Variants in CLASP2 observed in about 807,000 individuals in gnomAD.
CLASP2 encodes the protein cytoplasmic linker associated protein 2.
CLASP2 carries 47 observed loss-of-function variants against 194.4 expected under a neutral mutation model. The ratio of observed to expected loss-of-function variants is 0.24; its 90% confidence interval spans 0.19 to 0.31. CLASP2 has a LOEUF of 0.31. CLASP2 is among the 10% of genes least tolerant of loss of function. The pLI, the probability that CLASP2 is intolerant of heterozygous loss-of-function variation, is 1.00. For synonymous variants in CLASP2, 619 were observed against 633.5 expected, an observed-to-expected ratio of 0.98 and a Z score of 0.34; for missense variants, 1,445 against 1,823.6, an observed-to-expected ratio of 0.79 and a Z score of 3.78.
At chr3:33,649,116 C>CT (rs1335366492) in intron 7 of CLASP2, among the ~76,000 whole-genome samples, 2 of 152,180 alleles carry the variant, frequency 1.3e-5, no homozygotes, top group Non-Finnish European at 2.9e-5. Flanking sequence ...ATGGCAGGGC[C>CT]TTTGCCTTGC....
chr3:33,546,940 C>T (rs2154152631), intron 30 of CLASP2, among the ~76,000 whole-genome samples: 1 of 152,268 alleles, frequency 6.6e-6, no homozygotes, highest in East Asian at 1.9e-4. Context: ...TCCAAGAATC[C>T]ACTGCCAAAT....
At chr3:33,510,819 T>A (rs916033336) in intron 36 of CLASP2, 55 bp from the exon 37 acceptor site, 7 of 1,414,082 alleles carry the variant, frequency 5.0e-6, no homozygotes, top group Non-Finnish European at 6.8e-6. Flanking sequence ...TTACACTACA[T>A]CCTGGAAGTA....
At chr3:33,629,145 C>T (rs979176451) in intron 9 of CLASP2, among the ~76,000 whole-genome samples, 66 of 151,984 alleles carry the variant, frequency 4.3e-4, no homozygotes, top group African/African-American at 1.4e-3. Flanking sequence ...TACAGAAATA[C>T]CAAGTACAGA....
intron 8 of CLASP2, among the ~76,000 whole-genome samples, chr3:33,641,086 T>G (rs916583913): frequency 1.6e-4 from 24 of 152,040 alleles, no homozygotes; most frequent in Admixed American, 9.8e-4. Context: ...AATTGCAGTT[T>G]GCTCATCAGT....
At chr3:33,554,205 C>T (rs1333795779) in intron 29 of CLASP2, among the ~76,000 whole-genome samples, 4 of 123,712 alleles carry the variant, frequency 3.2e-5, no homozygotes, top group African/African-American at 6.1e-5. Context: ...CCAGCCTGGG[C>T]AACAGGAGCG....
In CLASP2 at chr3:33,497,473, C is replaced by G. The variant is rs1264582031; in HGVS notation, c.*1158G>C. On this transcript the variant is annotated 3_prime_UTR_variant, in exon 39 of 39. Coordinates refer to ENST00000682230, the MANE Select transcript of CLASP2 (RefSeq NM_001365631.1). The stretch of plus-strand genomic sequence containing the variant: ...ATTAAAAAAATTTGCTAAAAAGTAA[C>G]AGAAAATCACCCTTTAAGTAGTTTT... 1 of 152,508 alleles carries G rather than the reference C, an allele frequency of 6.6e-6. No homozygotes were observed. Among genetic ancestry groups the G allele is most frequent in the African/African-American group, 2.4e-5 (1 of 41,428 alleles). The allele number at this position is 152,508 out of a possible 1,614,324, so 9.4% of individuals were successfully genotyped here. A position where few individuals can be genotyped will look rare whatever the true frequency, so the allele number is the denominator to read the frequency against.
chr3:33,645,622 C>A, intron 7 of CLASP2: 2 of 300,498 alleles, frequency 6.7e-6, no homozygotes, highest in African/African-American at 2.2e-5. Flanking sequence ...ATTTCAAAGG[C>A]ATTCAAAACT....
intron 34 of CLASP2, among the ~76,000 whole-genome samples, chr3:33,531,881 T>C (rs1158866225): frequency 6.6e-6 from 1 of 152,154 alleles, no homozygotes; most frequent in African/African-American, 2.4e-5. Flanking sequence ...TAACTAGTAT[T>C]GGTGAGGATA....
chr3:33,659,095 C>T, intron 7 of CLASP2: 2 of 1,499,898 alleles, frequency 1.3e-6, no homozygotes, highest in Non-Finnish European at 1.8e-6. Context: ...TGCAGACACC[C>T]GGAGCACTGT....
chr3:33,543,828 C>T lies in CLASP2; in HGVS notation c.3298-289G>A, dbSNP rs373581647. Among the ~76,000 whole-genome samples the T allele has an allele frequency of 4.8e-4, 73 of 152,126 alleles. 1 individual carries two copies. In the South Asian group the frequency reaches 0.014, roughly 28 times the overall value. Reference sequence around the variant, plus strand: ...TGTAATTTTAAATTAGCTTCCTGTTCTGAGCTAATTTCCTTCTTCTAACCA... The same window carrying T: ...TGTAATTTTAAATTAGCTTCCTGTTTTGAGCTAATTTCCTTCTTCTAACCA... On this transcript the variant is annotated intron_variant, in intron 31 of 38. Coordinates refer to ENST00000682230, the MANE Select transcript of CLASP2 (RefSeq NM_001365631.1).
intron 1 of CLASP2, among the ~76,000 whole-genome samples, chr3:33,699,275 C>G (rs2092195632): frequency 6.6e-6 from 1 of 151,874 alleles, no homozygotes; most frequent in South Asian, 2.1e-4. Flanking sequence ...CATAGGAATT[C>G]TAGAAGAGAG....
Position 33,497,346 on chromosome 3 carries a change from A to G in CLASP2, c.*1285T>C, listed in dbSNP as rs2045926612. The stretch of plus-strand genomic sequence containing the variant: ...GATTAAAAAAAAGTAAAGATGAGAA[A>G]TCATTAGTATCCTGGTTCCAAATTA... On this transcript the variant is annotated 3_prime_UTR_variant, in exon 39 of 39. Coordinates refer to ENST00000682230, the MANE Select transcript of CLASP2 (RefSeq NM_001365631.1). 1.3e-5 allele frequency: 2 copies of G among 152,664 alleles called. No homozygotes were observed. The highest frequency in any genetic ancestry group is 2.4e-5 in the African/African-American group (1 of 41,466). The allele number at this position is 152,664 out of a possible 1,614,324, so 9.5% of individuals were successfully genotyped here. A position where few individuals can be genotyped will look rare whatever the true frequency, so the allele number is the denominator to read the frequency against.
intron 12 of CLASP2, among the ~76,000 whole-genome samples, chr3:33,617,591 C>A (rs527984748): frequency 5.6e-4 from 85 of 152,024 alleles, no homozygotes; most frequent in African/African-American, 2.0e-3. Context: ...ATTTAAAATT[C>A]TGATATATAA....
chr3:33,557,981 T>TCC lies in CLASP2; in HGVS notation c.3009+1325_3009+1326insGG, dbSNP rs1560018419. On this transcript the variant is annotated intron_variant, in intron 29 of 38. Coordinates refer to ENST00000682230, the MANE Select transcript of CLASP2 (RefSeq NM_001365631.1). ...GTCTCCCTCATGCTGACAATGTAAATTAACAGTTTATCTTCACAGGTAGAG... is the reference window on the plus strand; with the variant it reads ...GTCTCCCTCATGCTGACAATGTAAATCCTAACAGTTTATCTTCACAGGTAGAG... Among the ~76,000 whole-genome samples the TCC allele has an allele frequency of 2.8e-4, 42 of 152,308 alleles. No homozygotes were observed. In the South Asian group the frequency reaches 8.5e-3, roughly 31 times the overall value.
At chr3:33,717,733 GC>G (rs2093363279) in intron 1 of CLASP2, 74 bp downstream of exon 1, 1 of 1,474,006 alleles carries the variant, frequency 6.8e-7, no homozygotes, top group Non-Finnish European at 9.2e-7. Flanking sequence ...AGCTTTCCCG[GC>G]CCGGCGCTCG....
In CLASP2 at chr3:33,584,856, A is replaced by G; in HGVS notation, c.2133T>C (p.Ser711=). The change falls in exon 22 of 39, where the codon TCT becomes TCC. Residue 711 remains serine (S), a synonymous_variant. Transcript: ENST00000682230. ...AATTGACCAGGACTCTTTGAACACC[A>G]GAGCTCACAGTGGACAGGGCTGTTG... ...LTTTALSTVS[S]GVQRVLVNSA... 6.2e-7 allele frequency: 1 copy of G among 1,613,916 alleles called. No homozygotes were observed. The highest frequency in any genetic ancestry group is 1.1e-5 in the South Asian group (1 of 91,080).
At chr3:33,591,340 T>C (rs963252015) in intron 21 of CLASP2, among the ~76,000 whole-genome samples, 2 of 152,194 alleles carry the variant, frequency 1.3e-5, no homozygotes, top group Non-Finnish European at 2.9e-5. Flanking sequence ...AGGCCAGGAA[T>C]GGTGGCTCAC....
intron 7 of CLASP2, among the ~76,000 whole-genome samples, chr3:33,652,377 T>C (rs2083363081): frequency 6.6e-6 from 1 of 152,206 alleles, no homozygotes; most frequent in Non-Finnish European, 1.5e-5. Context: ...TTAATCCCTA[T>C]AAACTATTAT....
At chr3:33,608,536 A>G (rs1373831178) in intron 14 of CLASP2, 31 bp downstream of exon 14, 2 of 1,557,502 alleles carry the variant, frequency 1.3e-6, no homozygotes, top group Non-Finnish European at 1.8e-6. Context: ...AATGGGGAGG[A>G]AAGTGGGAGG....
Sources: gnomAD v4.1 joint callset for allele counts (sites outside exome capture counted in the v4.1 genomes callset) on GRCh38, gnomAD v4.1.1 for gene constraint, MANE v1.5 for transcripts, NCBI Gene and HGNC (gene_info 2026-07-23, HGNC 2026-07-21) for gene names.